IRAK2: variants seen among roughly 807,000 people sequenced by gnomAD.
The protein encoded by IRAK2 is interleukin-1 receptor-associated kinase-like 2.
In IRAK2, 57 loss-of-function variants were observed where a neutral mutation model predicts 72.0. That is an observed-to-expected ratio of 0.79 (90% confidence interval 0.64 to 0.99). IRAK2 has a LOEUF of 0.99. IRAK2 is among the 50% of genes least tolerant of loss of function. The pLI is 0.00. For synonymous variants in IRAK2, 293 were observed against 312.7 expected, an observed-to-expected ratio of 0.94 and a Z score of 0.67; for missense variants, 790 against 794.4, an observed-to-expected ratio of 0.99 and a Z score of 0.07.
chr3:10,188,777 T>G (rs1156645653), intron 2 of IRAK2, among the ~76,000 whole-genome samples: 2 of 152,214 alleles, frequency 1.3e-5, no homozygotes, highest in African/African-American at 4.8e-5. Context: ...CCCCCTGCCT[T>G]GGCCTCCCAA....
chr3:10,191,877 A>G (rs756203259), intron 2 of IRAK2, among the ~76,000 whole-genome samples: 14 of 151,696 alleles, frequency 9.2e-5, no homozygotes, highest in Non-Finnish European at 7.3e-5. Context: ...TCCCTAACAC[A>G]AAATGAATGA....
intron 8 of IRAK2, among the ~76,000 whole-genome samples, chr3:10,221,336 C>T (rs574682898): frequency 6.9e-6 from 1 of 145,222 alleles, no homozygotes; most frequent in Non-Finnish European, 1.5e-5. Flanking sequence ...TCACTGCAAG[C>T]TCCGCCTCCC....
intron 2 of IRAK2, among the ~76,000 whole-genome samples, chr3:10,195,788 G>A (rs1193940416): frequency 6.6e-6 from 1 of 152,138 alleles, no homozygotes; most frequent in African/African-American, 2.4e-5. Flanking sequence ...TGACTTCAGC[G>A]AGCCCAGCCG....
chr3:10,222,213 T>C (rs1285629762), intron 8 of IRAK2, among the ~76,000 whole-genome samples: 1 of 152,148 alleles, frequency 6.6e-6, no homozygotes, highest in African/African-American at 2.4e-5. Context: ...TTTCTTTCTT[T>C]TTTTACATGA....
intron 2 of IRAK2, among the ~76,000 whole-genome samples, chr3:10,187,392 C>G (rs368103183): frequency 6.6e-6 from 1 of 152,060 alleles, no homozygotes; most frequent in East Asian, 1.9e-4. Flanking sequence ...GAAGATTCAC[C>G]CTCTGGGTCA....
intron 2 of IRAK2, among the ~76,000 whole-genome samples, chr3:10,191,478 C>G (rs1697175264): frequency 6.6e-6 from 1 of 152,198 alleles, no homozygotes; most frequent in African/African-American, 2.4e-5. Context: ...CCTGCATGGT[C>G]TACCTTTGCC....
chr3:10,202,439 C>T (rs900073757), intron 3 of IRAK2, among the ~76,000 whole-genome samples: 6 of 152,028 alleles, frequency 3.9e-5, no homozygotes, highest in Admixed American at 6.6e-5. Context: ...CTGGCTAACA[C>T]GGTGAAACCC....
At chr3:10,180,356 A>G (rs1696941930) in intron 2 of IRAK2, among the ~76,000 whole-genome samples, 1 of 152,180 alleles carries the variant, frequency 6.6e-6, no homozygotes, top group Admixed American at 6.5e-5. Flanking sequence ...TCTTGTGAGG[A>G]GACAGTTAAT....
chr3:10,181,649 A>G (rs1696960839), intron 2 of IRAK2, among the ~76,000 whole-genome samples: 1 of 152,104 alleles, frequency 6.6e-6, no homozygotes, highest in South Asian at 2.1e-4. Context: ...TGAAGGGAGG[A>G]CTGTCATGCA....
intron 1 of IRAK2, among the ~76,000 whole-genome samples, chr3:10,176,155 A>G (rs562025722): frequency 4.2e-4 from 61 of 143,650 alleles, no homozygotes; most frequent in Non-Finnish European, 7.9e-4. Flanking sequence ...TATTGTTACT[A>G]GTGGTAGCTC....
rs563929892 is a variant in IRAK2 at position 10,215,360 on chromosome 3, C to T, written c.789-1574C>T. The stretch of plus-strand genomic sequence containing the variant: ...AGTGAGCCCAGATCGCACCACTGCA[C>T]TCCAGCCTGGGCAATAGAGTGAGAC... On this transcript the variant is annotated intron_variant, in intron 6 of 12. Transcript: ENST00000256458. 5.9e-5 allele frequency among the ~76,000 whole-genome samples: 8 copies of T among 134,576 alleles called. No homozygotes were observed. In the South Asian group the frequency reaches 1.4e-3, roughly 23 times the overall value. The allele number at this position is 134,576 out of a possible 152,430, so 88.3% of individuals were successfully genotyped here.
rs1337518018 is a variant in IRAK2, at chr3:10,243,744, G to C, written c.*1516G>C. 1 of 152,132 alleles carries C rather than the reference G, an allele frequency of 6.6e-6. No homozygotes were observed. The highest frequency in any genetic ancestry group is 2.1e-4 in the South Asian group (1 of 4,814). 9.4% of individuals were successfully genotyped at this position (152,132 alleles called of 1,614,324 possible). ...ATAATAAAAATATATTTGTAAAGTCGACAGACAACTTGTAATTAGTTTTGT... is the reference window on the plus strand; with the variant it reads ...ATAATAAAAATATATTTGTAAAGTCCACAGACAACTTGTAATTAGTTTTGT... On this transcript the variant is annotated 3_prime_UTR_variant, in exon 13 of 13. Transcript: ENST00000256458.
At chr3:10,170,784 A>G (rs976569475) in intron 1 of IRAK2, among the ~76,000 whole-genome samples, 1 of 152,172 alleles carries the variant, frequency 6.6e-6, no homozygotes, top group Non-Finnish European at 1.5e-5. Flanking sequence ...GCTGGCCTGG[A>G]GCCTTTGGTC....
intron 1 of IRAK2, among the ~76,000 whole-genome samples, chr3:10,166,996 A>G (rs1696702987): frequency 6.6e-6 from 1 of 151,776 alleles, no homozygotes; most frequent in South Asian, 2.1e-4. Context: ...TTTGTGTGAG[A>G]CTCCCTCTCA....
chr3:10,183,776 T>A (rs1342570713), intron 2 of IRAK2, among the ~76,000 whole-genome samples: 1 of 151,962 alleles, frequency 6.6e-6, no homozygotes, highest in African/African-American at 2.4e-5. Flanking sequence ...TACAGAAGGC[T>A]TAGAACAGAA....
At chr3:10,196,806 G>T (rs977151479) in intron 2 of IRAK2, among the ~76,000 whole-genome samples, 4 of 152,104 alleles carry the variant, frequency 2.6e-5, no homozygotes, top group Non-Finnish European at 5.9e-5. Context: ...TGAATTGAAC[G>T]TATCAATACA....
intron 4 of IRAK2, among the ~76,000 whole-genome samples, chr3:10,211,082 T>C (rs2125155092): frequency 6.6e-6 from 1 of 152,130 alleles, no homozygotes; most frequent in African/African-American, 2.4e-5. Flanking sequence ...AGGCTGGTCT[T>C]GAACTCCTGG....
chr3:10,200,200 C>T (rs1344577022), intron 2 of IRAK2, among the ~76,000 whole-genome samples, 169 bp from the exon 3 acceptor site: 1 of 152,084 alleles, frequency 6.6e-6, no homozygotes, highest in Non-Finnish European at 1.5e-5. Context: ...CCGCATTTTA[C>T]AGATGGGGAG....
chr3:10,223,771 T>C (rs1052336343), intron 9 of IRAK2, among the ~76,000 whole-genome samples: 3 of 152,218 alleles, frequency 2.0e-5, no homozygotes, highest in Admixed American at 6.5e-5. Context: ...AACAGTCAGG[T>C]TGGCTTCAGC....
Sources: allele counts gnomAD v4.1 joint callset (sites outside exome capture counted in the v4.1 genomes callset), GRCh38; gene constraint gnomAD v4.1.1; transcripts MANE v1.5; gene names NCBI Gene and HGNC (gene_info 2026-07-23, HGNC 2026-07-21).